The following ROR2 variants were observed in gnomAD, a reference collection of about 807,000 sequenced individuals.
ROR2 encodes ROR family WNT receptor 2.
A neutral mutation model predicts 74.9 loss-of-function variants in ROR2; 33 were observed. The ratio of observed to expected loss-of-function variants is 0.44; its 90% CI spans 0.33 to 0.59. ROR2 has a LOEUF of 0.59. Ranked by LOEUF, ROR2 falls within the 20% of genes least tolerant of loss-of-function variation. ROR2 has a pLI of 0.02. For synonymous variants in ROR2, 586 were observed against 558.7 expected, an observed-to-expected ratio of 1.05 and a Z score of -0.69; for missense variants, 1,216 against 1,313.8, an observed-to-expected ratio of 0.93 and a Z score of 1.15.
intron 1 of ROR2, among the ~76,000 whole-genome samples, chr9:91,839,253 T>G (rs773456343): frequency 0.039 from 1,329 of 34,192 alleles, 11 homozygotes; most frequent in African/African-American, 0.08. Flanking sequence ...AGATCGGGGG[T>G]GTGTGTGTGT....
intron 2 of ROR2, among the ~76,000 whole-genome samples, chr9:91,760,911 T>C (rs78977586): frequency 0.033 from 4,985 of 152,282 alleles, 280 homozygotes; most frequent in African/African-American, 0.11. Flanking sequence ...TTTCTAGCTG[T>C]TCTCTAATTT....
At chr9:91,731,178 GAAAACCTCCGGGGTACAAC>G (rs1564236189) in intron 6 of ROR2, 23 bp from the exon 7 acceptor site, 1 of 1,613,556 alleles carries the variant, frequency 6.2e-7, no homozygotes, top group African/African-American at 1.3e-5. Flanking sequence ...AACACGTTAG[GAAAACCTCCGGGGTACAAC>G]AAAACCATTC....
chr9:91,739,881 A>T (rs1208053743), intron 4 of ROR2, among the ~76,000 whole-genome samples: 1 of 152,164 alleles, frequency 6.6e-6, no homozygotes, highest in African/African-American at 2.4e-5. Context: ...AATGGAAGTC[A>T]CCTCTGCCTG....
intron 4 of ROR2, among the ~76,000 whole-genome samples, chr9:91,754,383 G>A (rs1489881797): frequency 1.3e-5 from 2 of 151,928 alleles, no homozygotes; most frequent in Non-Finnish European, 2.9e-5. Context: ...TAGGCCGGGT[G>A]CAGTGGCTCA....
Position 91,757,254 on chromosome 9 carries a change from T to C in ROR2, c.463+18A>G, listed in dbSNP as rs1825783779. The C allele has an allele frequency of 1.9e-6, 3 of 1,613,634 alleles. No homozygotes were observed. The highest frequency in any genetic ancestry group is 2.5e-6 in the Non-Finnish European group (3 of 1,179,924). ...CCTTCATATCTGCTAACCCACACAA[T>C]TTCACTGTCCAACTCACCCAGCCGC... On this transcript the variant is annotated intron_variant, in intron 3 of 8. Coordinates refer to ENST00000375708, the MANE Select transcript of ROR2 (RefSeq NM_004560.4).
At chr9:91,754,540 T>C (rs1221887751) in intron 4 of ROR2, among the ~76,000 whole-genome samples, 2 of 151,956 alleles carry the variant, frequency 1.3e-5, no homozygotes, top group African/African-American at 4.8e-5. Flanking sequence ...ATCTGTAATT[T>C]CAGCTACTCG....
chr9:91,868,273 G>A (rs1369037146), intron 1 of ROR2, among the ~76,000 whole-genome samples: 4 of 152,016 alleles, frequency 2.6e-5, no homozygotes, highest in African/African-American at 7.2e-5. Context: ...GGACAGAGAA[G>A]TGTCAATAAA....
intron 7 of ROR2, among the ~76,000 whole-genome samples, chr9:91,728,667 G>A (rs749631572): frequency 3.9e-5 from 6 of 152,204 alleles, no homozygotes; most frequent in Non-Finnish European, 7.3e-5. Context: ...CTGACCTCAG[G>A]TGATCCGCCT....
At chr9:91,771,322 C>A (rs1352092665) in intron 2 of ROR2, among the ~76,000 whole-genome samples, 1 of 152,234 alleles carries the variant, frequency 6.6e-6, no homozygotes, top group Non-Finnish European at 1.5e-5. Context: ...CCACTTCCCA[C>A]AAACATTCCA....
At chr9:91,900,792 C>T (rs1422676266) in intron 1 of ROR2, among the ~76,000 whole-genome samples, 1 of 152,212 alleles carries the variant, frequency 6.6e-6, no homozygotes, top group Non-Finnish European at 1.5e-5. Flanking sequence ...TCTGTGCAAA[C>T]AGAGGCATAG....
chr9:91,843,773 A>G (rs753551663), intron 1 of ROR2, among the ~76,000 whole-genome samples: 1 of 152,234 alleles, frequency 6.6e-6, no homozygotes, highest in Non-Finnish European at 1.5e-5. Context: ...GAGTCTGCAC[A>G]TGCCCCGCCT....
intron 1 of ROR2, among the ~76,000 whole-genome samples, chr9:91,822,010 C>T (rs1379670916): frequency 1.3e-5 from 2 of 152,004 alleles, no homozygotes; most frequent in African/African-American, 4.8e-5. Flanking sequence ...AAAAGCCTCA[C>T]AGTTAAACAA....
At chr9:91,834,690 G>A (rs1420970873) in intron 1 of ROR2, among the ~76,000 whole-genome samples, 1 of 152,176 alleles carries the variant, frequency 6.6e-6, no homozygotes, top group East Asian at 1.9e-4. Context: ...GAGTCAAATT[G>A]TCAGGACCTT....
chr9:91,765,351 C>T (rs1239606373), intron 2 of ROR2, among the ~76,000 whole-genome samples: 3 of 151,994 alleles, frequency 2.0e-5, no homozygotes, highest in African/African-American at 7.3e-5. Context: ...TTTCTGTTTC[C>T]TCCTTTCATC....
intron 1 of ROR2, among the ~76,000 whole-genome samples, chr9:91,920,575 A>G (rs1831237513): frequency 6.6e-6 from 1 of 152,242 alleles, no homozygotes; most frequent in African/African-American, 2.4e-5. Flanking sequence ...AGGCAAGGGA[A>G]CAGAGATCAG....
chr9:91,893,186 C>T (rs994423605), intron 1 of ROR2, among the ~76,000 whole-genome samples: 6 of 152,074 alleles, frequency 3.9e-5, no homozygotes, highest in African/African-American at 1.2e-4. Flanking sequence ...ACACCCCTGC[C>T]GACTTGGCCA....
chr9:91,889,855 G>C (rs1461297833), intron 1 of ROR2, among the ~76,000 whole-genome samples: 1 of 152,172 alleles, frequency 6.6e-6, no homozygotes, highest in Non-Finnish European at 1.5e-5. Context: ...GACCCACACG[G>C]AAGACACACT....
intron 2 of ROR2, among the ~76,000 whole-genome samples, chr9:91,763,202 TA>T (rs1825967318): frequency 6.6e-6 from 1 of 152,070 alleles, no homozygotes; most frequent in South Asian, 2.1e-4. Flanking sequence ...GGGTGAGGAT[TA>T]AAAAACTACC....
chr9:91,809,767 A>G (rs567317526), intron 1 of ROR2, among the ~76,000 whole-genome samples: 54 of 152,348 alleles, frequency 3.5e-4, no homozygotes, highest in African/African-American at 1.2e-3. Context: ...CAGAGCCCAC[A>G]TGCCCACAGA....
Sources: allele counts gnomAD v4.1 joint callset (sites outside exome capture counted in the v4.1 genomes callset), GRCh38; gene constraint gnomAD v4.1.1; transcripts MANE v1.5; gene names NCBI Gene and HGNC (gene_info 2026-07-23, HGNC 2026-07-21).